Variants in TACR3 observed in about 807,000 individuals in gnomAD.
The protein encoded by TACR3 is neuromedin-K receptor.
TACR3 carries 34 observed loss-of-function variants against 35.0 expected under a neutral mutation model. That is an observed-to-expected ratio of 0.97 (90% CI 0.74 to 1.30). The LOEUF is 1.30. Ranked by LOEUF, TACR3 falls within the 50% of genes most tolerant of loss-of-function variation. TACR3 has a pLI of 0.00. For synonymous variants in TACR3, 233 were observed against 221.1 expected, an observed-to-expected ratio of 1.05 and a Z score of -0.48; for missense variants, 558 against 591.7, an observed-to-expected ratio of 0.94 and a Z score of 0.59.
At chr4:103,621,364 G>C (rs1724776628) in intron 3 of TACR3, among the ~76,000 whole-genome samples, 1 of 152,196 alleles carries the variant, frequency 6.6e-6, no homozygotes, top group Non-Finnish European at 1.5e-5. Flanking sequence ...GATGAGAATA[G>C]AGGGCCAATA....
chr4:103,667,744 A>G (rs1725963900), intron 1 of TACR3, among the ~76,000 whole-genome samples: 1 of 152,220 alleles, frequency 6.6e-6, no homozygotes, highest in Non-Finnish European at 1.5e-5. Context: ...TAAAAGAAAT[A>G]ACAAAGATTA....
intron 1 of TACR3, among the ~76,000 whole-genome samples, chr4:103,672,441 A>G (rs1261997904): frequency 6.6e-6 from 1 of 152,170 alleles, no homozygotes; most frequent in Non-Finnish European, 1.5e-5. Flanking sequence ...CAGACATGAA[A>G]ACAACATTAA....
chr4:103,667,127 G>A (rs748009243), intron 1 of TACR3, among the ~76,000 whole-genome samples: 2 of 152,020 alleles, frequency 1.3e-5, no homozygotes, highest in Non-Finnish European at 2.9e-5. Context: ...GCTTGATGGT[G>A]CATGCCTGTA....
intron 3 of TACR3, among the ~76,000 whole-genome samples, chr4:103,642,348 ATG>A (rs1725372832): frequency 6.9e-6 from 1 of 145,350 alleles, no homozygotes; most frequent in Admixed American, 6.9e-5. Flanking sequence ...CAATTAAAAA[ATG>A]AGTAAAAATA....
chr4:103,607,304 T>G (rs1052509540), intron 3 of TACR3, among the ~76,000 whole-genome samples: 1 of 152,134 alleles, frequency 6.6e-6, no homozygotes. Flanking sequence ...TTTTTGAGTT[T>G]TGAATTTTGA....
chr4:103,638,467 G>A (rs184576649), intron 3 of TACR3, among the ~76,000 whole-genome samples: 12 of 151,916 alleles, frequency 7.9e-5, no homozygotes, highest in Admixed American at 3.9e-4. Flanking sequence ...TTACATGTTC[G>A]ACCTAAAACC....
At chr4:103,702,666 G>A (rs1478865642) in intron 1 of TACR3, among the ~76,000 whole-genome samples, 1 of 152,082 alleles carries the variant, frequency 6.6e-6, no homozygotes, top group Non-Finnish European at 1.5e-5. Context: ...GTCAAACAAT[G>A]ATGGACTGGA....
At chr4:103,696,521 C>T (rs1203903033) in intron 1 of TACR3, among the ~76,000 whole-genome samples, 1 of 152,174 alleles carries the variant, frequency 6.6e-6, no homozygotes, top group African/African-American at 2.4e-5. Context: ...CGTTTCTATG[C>T]TTTGACAAAG....
intron 1 of TACR3, among the ~76,000 whole-genome samples, chr4:103,665,942 A>AT (rs1373687787): frequency 6.6e-6 from 1 of 152,208 alleles, no homozygotes; most frequent in Non-Finnish European, 1.5e-5. Context: ...ATACACTGCC[A>AT]TTCTTTGTCC....
intron 3 of TACR3, among the ~76,000 whole-genome samples, chr4:103,606,342 T>C (rs984073510): frequency 6.6e-6 from 1 of 152,158 alleles, no homozygotes; most frequent in African/African-American, 2.4e-5. Flanking sequence ...TTTAAAGTAG[T>C]TTTTTCCAAT....
At chr4:103,665,038 C>T (rs867720059) in intron 1 of TACR3, among the ~76,000 whole-genome samples, 29 of 151,202 alleles carry the variant, frequency 1.9e-4, no homozygotes, top group Middle Eastern at 3.4e-3. Flanking sequence ...GTCTTGAATT[C>T]TTGGGTTCAA....
intron 1 of TACR3, among the ~76,000 whole-genome samples, chr4:103,663,263 G>T (rs1365095123): frequency 6.6e-6 from 1 of 152,186 alleles, no homozygotes; most frequent in African/African-American, 2.4e-5. Flanking sequence ...GGAGCCCAAG[G>T]TGGGCGGATC....
intron 3 of TACR3, among the ~76,000 whole-genome samples, chr4:103,643,347 T>C (rs1329667533): frequency 6.6e-6 from 1 of 151,362 alleles, no homozygotes; most frequent in Non-Finnish European, 1.5e-5. Flanking sequence ...TAAATCAGGA[T>C]GTAGAATGGA....
At chr4:103,659,899 A>G (rs1725803846) in intron 1 of TACR3, among the ~76,000 whole-genome samples, 1 of 152,152 alleles carries the variant, frequency 6.6e-6, no homozygotes, top group Non-Finnish European at 1.5e-5. Flanking sequence ...TACCAAACAA[A>G]TTAGCTTTTT....
intron 1 of TACR3, among the ~76,000 whole-genome samples, chr4:103,660,033 T>G (rs1254564144): frequency 6.6e-6 from 1 of 152,168 alleles, no homozygotes; most frequent in Non-Finnish European, 1.5e-5. Flanking sequence ...AGAATGAATA[T>G]CGCATAGGCC....
intron 1 of TACR3, among the ~76,000 whole-genome samples, chr4:103,697,667 G>T (rs1399758753): frequency 6.6e-6 from 1 of 151,780 alleles, no homozygotes; most frequent in Admixed American, 6.6e-5. Flanking sequence ...CTCGTGATCC[G>T]CCCACCTCGG....
chr4:103,617,302 T>C (rs370668442), intron 3 of TACR3, among the ~76,000 whole-genome samples: 4 of 152,044 alleles, frequency 2.6e-5, no homozygotes, highest in South Asian at 4.1e-4. Context: ...TAAAAAGTAT[T>C]TAAAGAAAGA....
chr4:103,710,164 A>C (rs912593784), intron 1 of TACR3, among the ~76,000 whole-genome samples: 1 of 152,190 alleles, frequency 6.6e-6, no homozygotes, highest in African/African-American at 2.4e-5. Flanking sequence ...GACCTAATAG[A>C]CATCTACAGA....
At chr4:103,631,178 G>A (rs992880282) in intron 3 of TACR3, among the ~76,000 whole-genome samples, 1 of 152,024 alleles carries the variant, frequency 6.6e-6, no homozygotes, top group African/African-American at 2.4e-5. Flanking sequence ...GGCCTGTCGG[G>A]GTGTGGGTGG....
Sources: allele counts gnomAD v4.1 joint callset (sites outside exome capture counted in the v4.1 genomes callset), GRCh38; gene constraint gnomAD v4.1.1; transcripts MANE v1.5; gene names NCBI Gene and HGNC (gene_info 2026-07-23, HGNC 2026-07-21).